TMX2: variants seen among roughly 807,000 people sequenced by gnomAD.
TMX2 encodes thioredoxin-related transmembrane protein 2.
In TMX2, 20 loss-of-function variants were observed where a neutral mutation model predicts 33.4. That is an observed-to-expected ratio of 0.60 (90% confidence interval 0.42 to 0.87). TMX2 has a LOEUF of 0.87. Ranked by LOEUF, TMX2 falls within the 40% of genes least tolerant of loss-of-function variation. TMX2 has a pLI of 0.00. For synonymous variants in TMX2, 166 were observed against 140.7 expected (o/e 1.18, Z -1.27); for missense variants, 340 against 370.7 (o/e 0.92, Z 0.68).
rs1013727976 is a variant in TMX2, at chr11:57,740,317, C to T, written c.*72C>T. On this transcript the variant is annotated 3_prime_UTR_variant, in exon 8 of 8. Transcript: ENST00000278422. ...TTCCATAACCACAAGCCTGAGGCTG[C>T]AGCCTTTTATTTATGTTTTCCCTTT... is the stretch of plus-strand genomic sequence containing the variant. 9 of 1,478,044 alleles carry T rather than the reference C, an allele frequency of 6.1e-6. No individual in the cohort carries two copies. Among genetic ancestry groups the T allele is most frequent in the Admixed American group, 5.2e-5 (2 of 38,492 alleles). The allele number at this position is 1,478,044 out of a possible 1,614,324, so 91.6% of individuals were successfully genotyped here.
intron 1 of TMX2, among the ~76,000 whole-genome samples, chr11:57,737,169 C>T (rs1435808998): frequency 1.3e-5 from 2 of 152,146 alleles, no homozygotes; most frequent in African/African-American, 2.4e-5. Context: ...CGCGGTGGCT[C>T]GTGCCTGTAA....
intron 1 of TMX2, among the ~76,000 whole-genome samples, chr11:57,735,806 C>T (rs1369310863): frequency 3.9e-5 from 6 of 152,304 alleles, no homozygotes; most frequent in South Asian, 2.1e-4. Context: ...TTTCAGCCCT[C>T]TCAAGTCAAA....
intron 1 of TMX2, among the ~76,000 whole-genome samples, chr11:57,733,710 C>T (rs2956981): frequency 0.41 from 61,998 of 152,014 alleles, 13,123 homozygotes; most frequent in Middle Eastern, 0.48. Context: ...TTCAATTATC[C>T]TCTCTTCTGT....
At chr11:57,726,257 C>T (rs541258163) in intron 1 of TMX2, among the ~76,000 whole-genome samples, 1 of 151,876 alleles carries the variant, frequency 6.6e-6, no homozygotes, top group South Asian at 2.1e-4. Context: ...TACTAAAATA[C>T]AAAAAATCAG....
In TMX2 at chr11:57,717,996, C is replaced by T. The variant is rs1242477069; in HGVS notation, c.189+5189C>T. 5.0e-6 allele frequency: 4 copies of T among 796,888 alleles called. No individual in the cohort carries two copies. In the East Asian group the frequency reaches 9.7e-5, roughly 19 times the overall value. 49.4% of individuals were successfully genotyped at this position (796,888 alleles called of 1,614,324 possible). A position where few individuals can be genotyped will look rare whatever the true frequency, so the allele number is the denominator to read the frequency against. On this transcript the variant is annotated intron_variant, in intron 1 of 7. Coordinates refer to ENST00000278422, the MANE Select transcript of TMX2 (RefSeq NM_015959.4). The stretch of plus-strand genomic sequence containing the variant: ...GGGGTGCTCTCCTGAGAGGAGAGCA[C>T]AGAAGGAATGGTCTGGTGGTGAAGA...
At chr11:57,713,864 C>G (rs523985) in intron 1 of TMX2, among the ~76,000 whole-genome samples, 41,712 of 152,032 alleles carry the variant, frequency 0.27, 6,826 homozygotes, top group East Asian at 0.79. Flanking sequence ...GCAGAGCAGA[C>G]AATGGTTTCT....
At chr11:57,733,020 T>G (rs1948494122) in intron 1 of TMX2, among the ~76,000 whole-genome samples, 1 of 152,178 alleles carries the variant, frequency 6.6e-6, no homozygotes, top group Non-Finnish European at 1.5e-5. Context: ...ATAAGCAGTT[T>G]AACACAATGG....
In TMX2 at chr11:57,738,646, C is replaced by A. The variant is rs745307727; in HGVS notation, c.442-18C>A. The stretch of plus-strand genomic sequence containing the variant: ...GGCTATGTGGATCCAGCTGACTTTT[C>A]TTCCCTGTATTTGGCAGGAGGAACT... On this transcript the variant is annotated intron_variant, in intron 4 of 7. Transcript: ENST00000278422. 3.2e-5 allele frequency: 52 copies of A among 1,609,704 alleles called. No individual in the cohort carries two copies. Among genetic ancestry groups the A allele is most frequent in the Non-Finnish European group, 4.1e-5 (48 of 1,176,416 alleles).
In TMX2 at chr11:57,739,205, T is replaced by C. The variant is rs1297422105; in HGVS notation, c.689T>C (p.Met230Thr). Residue 230 changes from methionine to threonine, a missense_variant, in exon 7 of 8, where the codon ATG becomes ACG. By Grantham distance (81) the Met-to-Thr change is moderately conservative. Around this residue, in one of 3 missense-constraint regions of TMX2, gnomAD observed 209 missense variants for 241.6 expected, o/e 0.87. Coordinates refer to ENST00000278422, the MANE Select transcript of TMX2 (RefSeq NM_015959.4). Reference sequence around the variant, plus strand: ...CTGTTCCAAGGTGGCAAGGAGGCAATGCGGCGGCCACAGATTGACAAGAAA... The same window carrying C: ...CTGTTCCAAGGTGGCAAGGAGGCAACGCGGCGGCCACAGATTGACAAGAAA... Reference protein sequence around the residue: ...LILFQGGKEAMRRPQIDKKGR... With the variant: ...LILFQGGKEATRRPQIDKKGR... 6.2e-7 allele frequency: 1 copy of C among 1,613,968 alleles called. No homozygotes were observed. Among genetic ancestry groups the C allele is most frequent in the Admixed American group, 1.7e-5 (1 of 60,000 alleles).
At chr11:57,730,426 TAAAAAAAAAAAAAAAAA>T (rs61228178) in intron 1 of TMX2, among the ~76,000 whole-genome samples, 21 of 23,572 alleles carry the variant, frequency 8.9e-4, no homozygotes, top group Non-Finnish European at 1.3e-3. Flanking sequence ...AAACTGTCTT[TAAAAAAAAAAAAAAAAA>T]AAAAAAAAAA....
intron 1 of TMX2, among the ~76,000 whole-genome samples, chr11:57,721,419 G>A (rs1947625593): frequency 6.8e-6 from 1 of 147,104 alleles, no homozygotes; most frequent in African/African-American, 2.5e-5. Flanking sequence ...CTCAGTCTCG[G>A]CTCACCACAA....
intron 1 of TMX2, among the ~76,000 whole-genome samples, chr11:57,715,909 C>G (rs1156587602): frequency 6.6e-6 from 1 of 151,904 alleles, no homozygotes; most frequent in Non-Finnish European, 1.5e-5. Flanking sequence ...GTAAGGTCAC[C>G]GATCAACAGG....
At chr11:57,739,358 T>G (rs1948944244) in intron 7 of TMX2, 98 bp downstream of exon 7, 1 of 1,349,146 alleles carries the variant, frequency 7.4e-7, no homozygotes. Context: ...CACTTGCCCA[T>G]TAGCTTTGAG....
chr11:57,740,172 A>G lies in TMX2; in HGVS notation c.818A>G (p.Asn273Ser), dbSNP rs1489458657. 1.7e-5 allele frequency: 27 copies of G among 1,613,920 alleles called. No homozygotes were observed. The highest frequency in any genetic ancestry group is 5.5e-5 in the South Asian group (5 of 91,082). ...RAKKLSKAGD[N>S]IPEEQPVAST... ...AAGAAACTATCAAAGGCTGGAGACA[A>G]TATCCCTGAGGAGCAGCCTGTGGCT... Residue 273 changes from asparagine (N) to serine (S), a missense_variant, in exon 8 of 8, where the codon AAT (asparagine) becomes AGT (serine). Physicochemically the swap from Asn to Ser is conservative, Grantham distance 46. This residue lies in a region of TMX2 where 209 missense variants were observed against 241.6 expected (regional missense o/e 0.87). Transcript: ENST00000278422.
At chr11:57,714,267 T>C (rs1946830216) in intron 1 of TMX2, among the ~76,000 whole-genome samples, 1 of 152,222 alleles carries the variant, frequency 6.6e-6, no homozygotes, top group African/African-American at 2.4e-5. Context: ...TTCAATTAAA[T>C]TGTTGTGTCT....
chr11:57,729,632 G>T (rs1169239117), intron 1 of TMX2, among the ~76,000 whole-genome samples: 1 of 151,982 alleles, frequency 6.6e-6, no homozygotes, highest in East Asian at 1.9e-4. Context: ...CAAATTTAAG[G>T]CTGTTTAGCT....
At chr11:57,726,642 G>A (rs556812933) in intron 1 of TMX2, among the ~76,000 whole-genome samples, 13 of 152,276 alleles carry the variant, frequency 8.5e-5, no homozygotes, top group African/African-American at 3.1e-4. Context: ...GACTTCTCCT[G>A]TGACAAAACC....
chr11:57,732,666 A>G (rs1426124723), intron 1 of TMX2, among the ~76,000 whole-genome samples: 1 of 152,178 alleles, frequency 6.6e-6, no homozygotes, highest in Non-Finnish European at 1.5e-5. Flanking sequence ...TGGTTCACCT[A>G]TTTACCTTGC....
intron 1 of TMX2, among the ~76,000 whole-genome samples, chr11:57,735,340 C>T (rs1948680943): frequency 6.6e-6 from 1 of 151,870 alleles, no homozygotes; most frequent in Non-Finnish European, 1.5e-5. Flanking sequence ...TCCTGAGTAG[C>T]TTTGATTACA....
Sources: gnomAD v4.1 joint callset for allele counts (sites outside exome capture counted in the v4.1 genomes callset) on GRCh38, gnomAD v4.1.1 for gene constraint, gnomAD v4.1.1 regional missense constraint, MANE v1.5 for transcripts, NCBI Gene and HGNC (gene_info 2026-07-23, HGNC 2026-07-21) for gene names.